The following LAIR1 variants were observed in gnomAD, a reference collection of about 807,000 sequenced individuals.
The protein encoded by LAIR1 is leukocyte-associated immunoglobulin-like receptor 1.
In LAIR1, 24 loss-of-function variants were observed where a neutral mutation model predicts 32.8. The ratio of observed to expected loss-of-function variants is 0.73; its 90% CI spans 0.53 to 1.03. The LOEUF (loss-of-function observed/expected upper bound fraction) is 1.03. LAIR1 is among the 50% of genes least tolerant of loss of function. The pLI is 0.00. For synonymous variants in LAIR1, 150 were observed against 140.5 expected (o/e 1.07, Z -0.48); for missense variants, 355 against 347.5 (o/e 1.02, Z -0.17).
In LAIR1 at chr19:54,364,068, T is replaced by G. The variant is rs1159849670; in HGVS notation, c.70+227A>C. Among the ~76,000 whole-genome samples the G allele has an allele frequency of 6.6e-6, 1 of 152,202 alleles. No individual in the cohort carries two copies. Among genetic ancestry groups the G allele is most frequent in the Non-Finnish European group, 1.5e-5 (1 of 68,028 alleles). On this transcript the variant is annotated intron_variant, in intron 2 of 9. Transcript: ENST00000391742. The surrounding 1 kb of genome is among the most constrained non-coding windows in gnomAD (Gnocchi z 4.8). The stretch of plus-strand genomic sequence containing the variant: ...CCGCAAATTGCAATTATTTGTCAAT[T>G]AAAAATAAAATTTTTGAAAATAAGA...
intron 4 of LAIR1, chr19:54,358,563 G>T (rs776574317): frequency 6.2e-7 from 1 of 1,610,590 alleles, no homozygotes; most frequent in South Asian, 1.1e-5. Flanking sequence ...TCACAAGACG[G>T]GAGGCCATTT....
Position 54,364,384 on chromosome 19 carries a change from G to A in LAIR1, c.35-54C>T, listed in dbSNP as rs1371935478. The A allele has an allele frequency of 8.7e-6, 14 of 1,612,698 alleles. No individual in the cohort carries two copies. The Admixed American group carries it at 1.2e-4, about 13-fold the overall frequency. On this transcript the variant is annotated intron_variant, in intron 1 of 9. Transcript: ENST00000391742. The surrounding 1 kb of genome is among the most constrained non-coding windows in gnomAD (Gnocchi z 4.8). ...GCCCAGTGCCCAGTCTCCTTACGGG[G>A]CTGCTGTCAAAAGGGGGCTCGATGG...
At chr19:54,361,367 C>A (rs4806752) in intron 2 of LAIR1, 158 bp from the exon 3 acceptor site, 275,597 of 748,310 alleles carry the variant, frequency 0.37, 52,101 homozygotes, top group Non-Finnish European at 0.4. Context: ...GCCTCCTGCA[C>A]CTTCTACGTG....
chr19:54,358,747 A>G (rs1279931171), intron 4 of LAIR1: 1 of 567,282 alleles, frequency 1.8e-6, no homozygotes, highest in Non-Finnish European at 3.0e-6. Flanking sequence ...CGATTCTACC[A>G]GGACAGCTCT....
the LAIR1 span, among the ~76,000 whole-genome samples, chr19:54,376,068 TGA>T: frequency 6.6e-6 from 1 of 151,146 alleles, no homozygotes; most frequent in East Asian, 1.9e-4. Flanking sequence ...CTGTTACCAG[TGA>T]GGGGAAAGAG....
intron 2 of LAIR1, among the ~76,000 whole-genome samples, chr19:54,361,600 A>G (rs4806754): frequency 0.3 from 38,239 of 126,006 alleles, 6,405 homozygotes; most frequent in Non-Finnish European, 0.39. Flanking sequence ...CAAGGGACAG[A>G]GAAGCGAGGG....
upstream of LAIR1, among the ~76,000 whole-genome samples, chr19:54,371,672 G>C (rs766570517): frequency 6.6e-6 from 1 of 151,478 alleles, no homozygotes; most frequent in South Asian, 2.1e-4. Flanking sequence ...GAATGAGCAC[G>C]CATCAATGTC....
chr19:54,369,347 A>G (rs1485716435), upstream of LAIR1, among the ~76,000 whole-genome samples: 1 of 151,370 alleles, frequency 6.6e-6, no homozygotes, highest in Non-Finnish European at 1.5e-5. Context: ...CCAGGTGCCC[A>G]GGAAGGTTGG....
chr19:54,367,032 A>G (rs2082279331), upstream of LAIR1, among the ~76,000 whole-genome samples: 1 of 152,218 alleles, frequency 6.6e-6, no homozygotes, highest in Non-Finnish European at 1.5e-5. Flanking sequence ...TGCATAACTA[A>G]GAGGGAGTCA....
chr19:54,357,251 C>T (rs1302850647), intron 4 of LAIR1: 1 of 481,808 alleles, frequency 2.1e-6, no homozygotes, highest in Non-Finnish European at 3.7e-6. Context: ...CTCAGTGACC[C>T]CACGGGCCTG....
rs776683743 is a variant in LAIR1, at chr19:54,360,903, G to C, written c.364+13C>G. On this transcript the variant is annotated intron_variant, in intron 3 of 9. Coordinates refer to ENST00000391742, the MANE Select transcript of LAIR1 (RefSeq NM_002287.6). ...GAGCTGAGACTGGGGCAGGGCCCAGGTGACGTCCTCACCTTTCACCAGCAG... is the reference window on the plus strand; with the variant it reads ...GAGCTGAGACTGGGGCAGGGCCCAGCTGACGTCCTCACCTTTCACCAGCAG... 9.3e-6 allele frequency: 15 copies of C among 1,606,296 alleles called. No homozygotes were observed. The highest frequency in any genetic ancestry group is 1.2e-5 in the Non-Finnish European group (14 of 1,175,214).
Position 54,355,806 on chromosome 19 carries a change from C to CAT in LAIR1, c.717+147_717+148insAT. Reference sequence around the variant, plus strand: ...CACGGGAGCCTTCGGATGCACACAGCCCTGGGCGACCTCTCGACAGCAACC... The same window carrying CAT: ...CACGGGAGCCTTCGGATGCACACAGCATCCTGGGCGACCTCTCGACAGCAACC... On this transcript the variant is annotated intron_variant, in intron 9 of 9. Coordinates refer to ENST00000391742, the MANE Select transcript of LAIR1 (RefSeq NM_002287.6). The surrounding 1 kb of genome is among the most constrained non-coding windows in gnomAD (Gnocchi z 4.7). 1.5e-6 allele frequency: 1 copy of CAT among 656,288 alleles called. No homozygotes were observed. The highest frequency in any genetic ancestry group is 2.7e-5 in the East Asian group (1 of 37,266). The allele number at this position is 656,288 out of a possible 1,614,324, so 40.7% of individuals were successfully genotyped here. A position where few individuals can be genotyped will look rare whatever the true frequency, so the allele number is the denominator to read the frequency against.
Position 54,364,570 on chromosome 19 carries a change from C to G in LAIR1, c.34+201G>C. 1 of 791,140 alleles carries G rather than the reference C, an allele frequency of 1.3e-6. No homozygotes were observed. The highest frequency in any genetic ancestry group is 1.4e-5 in the South Asian group (1 of 69,710). 49.0% of individuals were successfully genotyped at this position (791,140 alleles called of 1,614,324 possible). A position where few individuals can be genotyped will look rare whatever the true frequency, so the allele number is the denominator to read the frequency against. ...CCCCAGCCCTTCTTAAAGCTGACCTCATCCCCACACCCGGGCCCCTGTTTT... is the reference window on the plus strand; with the variant it reads ...CCCCAGCCCTTCTTAAAGCTGACCTGATCCCCACACCCGGGCCCCTGTTTT... On this transcript the variant is annotated intron_variant, in intron 1 of 9. Coordinates refer to ENST00000391742, the MANE Select transcript of LAIR1 (RefSeq NM_002287.6). This position sits in a 1 kb window ranked among gnomAD's most constrained non-coding sequence, Gnocchi z 4.8.
At chr19:54,364,947 A>G (rs112658436), upstream of LAIR1, 7,568 of 1,553,714 alleles carry the variant, frequency 4.9e-3, 24 homozygotes, top group African/African-American at 7.1e-3. The surrounding 1 kb of genome is among the most constrained non-coding windows in gnomAD (Gnocchi z 4.8). Flanking sequence ...ACACAAGAGG[A>G]AGAGCTTTCT....
At chr19:54,375,141 A>G (rs2082478431), upstream of LAIR1, among the ~76,000 whole-genome samples, 2 of 152,214 alleles carry the variant, frequency 1.3e-5, no homozygotes, top group African/African-American at 2.4e-5. Context: ...AGGCTTGGGC[A>G]GACAATGCCG....
upstream of LAIR1, among the ~76,000 whole-genome samples, chr19:54,366,935 C>T (rs181980750): frequency 3.3e-5 from 5 of 152,130 alleles, no homozygotes; most frequent in Admixed American, 6.5e-5. Flanking sequence ...GAAAAATTTG[C>T]GGACTAGCCA....
intron 4 of LAIR1, among the ~76,000 whole-genome samples, chr19:54,359,357 A>G (rs2081893391): frequency 6.6e-6 from 1 of 151,576 alleles, no homozygotes; most frequent in East Asian, 1.9e-4. Flanking sequence ...CAATCCCATC[A>G]CAGAGTCCAG....
intron 2 of LAIR1, among the ~76,000 whole-genome samples, chr19:54,363,662 C>T (rs1006186044): frequency 3.3e-5 from 5 of 152,158 alleles, no homozygotes; most frequent in Non-Finnish European, 7.4e-5. Flanking sequence ...ATGGATGAAC[C>T]AGAGGACGTT....
rs1295480919 is a variant in LAIR1 at position 54,364,397 on chromosome 19, G to A, written c.35-67C>T. On this transcript the variant is annotated intron_variant, in intron 1 of 9. Transcript: ENST00000391742. The surrounding 1 kb of genome is among the most constrained non-coding windows in gnomAD (Gnocchi z 4.8). ...TCTCCTTACGGGGCTGCTGTCAAAAGGGGGCTCGATGGAGCTGGGGGGCAT... is the reference window on the plus strand; with the variant it reads ...TCTCCTTACGGGGCTGCTGTCAAAAAGGGGCTCGATGGAGCTGGGGGGCAT... The A allele has an allele frequency of 6.2e-7, 1 of 1,607,594 alleles. No individual in the cohort carries two copies. Among genetic ancestry groups the A allele is most frequent in the African/African-American group, 1.3e-5 (1 of 74,806 alleles).
Sources: allele counts gnomAD v4.1 joint callset (sites outside exome capture counted in the v4.1 genomes callset), GRCh38; gene constraint gnomAD v4.1.1; non-coding constraint Gnocchi (gnomAD v3.1); transcripts MANE v1.5; gene names NCBI Gene and HGNC (gene_info 2026-07-23, HGNC 2026-07-21).